The following LSAMP variants were observed in gnomAD, a reference collection of about 807,000 sequenced individuals.
The protein encoded by LSAMP is limbic system-associated membrane protein.
A neutral mutation model predicts 38.6 loss-of-function variants in LSAMP; 7 were observed. The ratio of observed to expected loss-of-function variants is 0.18; its 90% CI spans 0.10 to 0.34. The LOEUF is 0.34. LSAMP is among the 10% of genes least tolerant of loss of function. LSAMP has a pLI of 1.00. For missense variants in LSAMP, 313 were observed against 420.0 expected, an observed-to-expected ratio of 0.75 and a Z score of 2.23; for synonymous variants, 154 against 166.8, an observed-to-expected ratio of 0.92 and a Z score of 0.59.
chr3:115,957,339 C>T (rs375812615), intron 3 of LSAMP, among the ~76,000 whole-genome samples: 113 of 152,246 alleles, frequency 7.4e-4, no homozygotes, highest in African/African-American at 2.6e-3. Context: ...CTGTTTGTTT[C>T]GGAAACTCTT....
Position 116,344,836 on chromosome 3 carries a change from C to A in LSAMP, c.155+100041G>T, listed in dbSNP as rs149809651. Among the ~76,000 whole-genome samples, 886 of 152,206 alleles carry A rather than the reference C, an allele frequency of 5.8e-3. 6 individuals carry two copies. The highest frequency in any genetic ancestry group is 0.02 in the African/African-American group (825 of 41,534). ...GTTCAAAGCCAAGTTTGACTAACTC[C>A]AAAGTTTCCAGCAAGAATCAATGAA... On this transcript the variant is annotated intron_variant, in intron 1 of 6. Coordinates refer to ENST00000490035, the MANE Select transcript of LSAMP (RefSeq NM_002338.5).
intron 1 of LSAMP, among the ~76,000 whole-genome samples, chr3:116,201,665 A>G (rs1045414544): frequency 2.0e-5 from 3 of 152,188 alleles, no homozygotes; most frequent in African/African-American, 7.2e-5. Context: ...TGTGCAGGAG[A>G]CATAGAAACT....
intron 2 of LSAMP, among the ~76,000 whole-genome samples, chr3:116,060,792 G>A (rs1301790573): frequency 6.6e-6 from 1 of 151,176 alleles, no homozygotes; most frequent in Non-Finnish European, 1.5e-5. Context: ...ACAACAACAA[G>A]AACAAAAACC....
At chr3:116,433,996 C>CA (rs2049313702) in intron 1 of LSAMP, among the ~76,000 whole-genome samples, 1 of 151,808 alleles carries the variant, frequency 6.6e-6, no homozygotes, top group South Asian at 2.1e-4. Context: ...TCTCATTTTC[C>CA]AAAAAAATAA....
chr3:115,881,116 G>A (rs1936312229), intron 3 of LSAMP, among the ~76,000 whole-genome samples: 1 of 151,878 alleles, frequency 6.6e-6, no homozygotes, highest in Admixed American at 6.6e-5. Flanking sequence ...AGTAAGATCT[G>A]TCATCCTTAC....
At chr3:115,896,669 C>T (rs1434065395) in intron 3 of LSAMP, among the ~76,000 whole-genome samples, 1 of 152,056 alleles carries the variant, frequency 6.6e-6, no homozygotes, top group Non-Finnish European at 1.5e-5. Flanking sequence ...TGTAGATAAT[C>T]AATACCATTG....
chr3:115,856,191 A>G (rs1935501269), intron 3 of LSAMP, among the ~76,000 whole-genome samples: 1 of 152,180 alleles, frequency 6.6e-6, no homozygotes. Flanking sequence ...TACAGACCCA[A>G]TGCTGGTGCT....
At chr3:116,128,041 C>T (rs1709046467) in intron 1 of LSAMP, among the ~76,000 whole-genome samples, 1 of 152,028 alleles carries the variant, frequency 6.6e-6, no homozygotes, top group African/African-American at 2.4e-5. Flanking sequence ...TTTTTATTGG[C>T]TTGTTTTAAT....
At chr3:116,132,586 A>G (rs1407629974) in intron 1 of LSAMP, among the ~76,000 whole-genome samples, 2 of 152,202 alleles carry the variant, frequency 1.3e-5, no homozygotes, top group Non-Finnish European at 2.9e-5. Flanking sequence ...AAAGTCCACA[A>G]ATTTTTAAGG....
chr3:115,904,492 A>G (rs954241619), intron 3 of LSAMP, among the ~76,000 whole-genome samples: 1 of 152,156 alleles, frequency 6.6e-6, no homozygotes, highest in African/African-American at 2.4e-5. Flanking sequence ...ATACAAATTT[A>G]CCATACAACT....
intron 1 of LSAMP, among the ~76,000 whole-genome samples, chr3:116,378,153 A>G (rs1452511267): frequency 2.0e-5 from 3 of 152,040 alleles, no homozygotes; most frequent in Admixed American, 1.3e-4. Flanking sequence ...GGTTTTGACC[A>G]CATGTTCACA....
intron 1 of LSAMP, among the ~76,000 whole-genome samples, chr3:116,413,162 C>G (rs1032301778): frequency 6.6e-6 from 1 of 151,794 alleles, no homozygotes; most frequent in Non-Finnish European, 1.5e-5. Flanking sequence ...TAAGATTATA[C>G]CATTAAAACC....
At chr3:116,267,191 A>T (rs183721988) in intron 1 of LSAMP, among the ~76,000 whole-genome samples, 1 of 152,278 alleles carries the variant, frequency 6.6e-6, no homozygotes, top group East Asian at 1.9e-4. Flanking sequence ...TTGCATCCAG[A>T]ATATAAGAGA....
intron 1 of LSAMP, among the ~76,000 whole-genome samples, chr3:116,240,979 T>G (rs1425606649): frequency 2.6e-5 from 4 of 151,690 alleles, no homozygotes; most frequent in African/African-American, 9.7e-5. Context: ...AGTTCCAGAC[T>G]AGCCTGACCA....
chr3:116,183,199 G>A (rs1710529176), intron 1 of LSAMP, among the ~76,000 whole-genome samples: 1 of 151,742 alleles, frequency 6.6e-6, no homozygotes, highest in Non-Finnish European at 1.5e-5. Flanking sequence ...CCTTTTTAAG[G>A]AAACACCCTA....
At chr3:116,395,864 GAT>G (rs1048798310) in intron 1 of LSAMP, among the ~76,000 whole-genome samples, 3 of 152,092 alleles carry the variant, frequency 2.0e-5, no homozygotes, top group African/African-American at 7.2e-5. Context: ...AGAGCAAAAA[GAT>G]ATATATTGCC....
intron 1 of LSAMP, among the ~76,000 whole-genome samples, chr3:116,247,120 G>A (rs1268839560): frequency 2.6e-5 from 4 of 152,278 alleles, no homozygotes; most frequent in Non-Finnish European, 5.9e-5. Context: ...TTTTCAGTTA[G>A]ACATAAAAGT....
intron 1 of LSAMP, among the ~76,000 whole-genome samples, chr3:116,219,726 G>A (rs1383086835): frequency 6.6e-6 from 1 of 151,988 alleles, no homozygotes; most frequent in Non-Finnish European, 1.5e-5. Flanking sequence ...TACCTGATAA[G>A]GGGATAATAT....
At chr3:115,886,740 A>G (rs187159924) in intron 3 of LSAMP, among the ~76,000 whole-genome samples, 3 of 152,076 alleles carry the variant, frequency 2.0e-5, no homozygotes, top group African/African-American at 7.2e-5. Context: ...CCACAAACCC[A>G]CTTCACTTAT....
Sources: allele counts gnomAD v4.1 joint callset (sites outside exome capture counted in the v4.1 genomes callset), GRCh38; gene constraint gnomAD v4.1.1; transcripts MANE v1.5; gene names NCBI Gene and HGNC (gene_info 2026-07-23, HGNC 2026-07-21).